Variants in GNAQ observed in about 807,000 individuals in gnomAD.
The protein encoded by GNAQ is G protein subunit alpha q.
GNAQ carries 8 observed loss-of-function variants against 43.9 expected under a neutral mutation model. That is an observed-to-expected ratio of 0.18 (90% CI 0.11 to 0.33). The LOEUF (loss-of-function observed/expected upper bound fraction) is 0.33, where lower values mean the gene tolerates loss of function less well. GNAQ is among the 10% of genes least tolerant of loss of function. The pLI is 1.00. For synonymous variants in GNAQ, 155 were observed against 170.7 expected (o/e 0.91, Z 0.71); for missense variants, 158 against 450.8 (o/e 0.35, Z 5.88).
intron 5 of GNAQ, among the ~76,000 whole-genome samples, chr9:77,738,921 A>C (rs1206120086): frequency 2.0e-5 from 3 of 151,948 alleles, no homozygotes; most frequent in Non-Finnish European, 4.4e-5. Context: ...GCTTAACTGT[A>C]CTTCTACTGT....
rs1824052882 is a variant in GNAQ, at chr9:78,031,091, GGTACTCACCGAGCA to G, written c.131_136+8del. 1 of 1,499,414 alleles carries G rather than the reference GGTACTCACCGAGCA, an allele frequency of 6.7e-7. No homozygotes were observed. The allele number at this position is 1,499,414 out of a possible 1,614,324, so 92.9% of individuals were successfully genotyped here. A position where few individuals can be genotyped will look rare whatever the true frequency, so the allele number is the denominator to read the frequency against. On this transcript the variant is annotated splice_donor_variant and splice_donor_5th_base_variant and coding_sequence_variant and intron_variant, in exon 1 of 7. Coordinates refer to ENST00000286548, the MANE Select transcript of GNAQ (RefSeq NM_002072.5). LOFTEE classifies it high-confidence loss of function. ...GCAGAGGCCCGGCGGGGCCCCGGAC[GGTACTCACCGAGCA>G]GCAGCAGCTTGAGCTCCCGGCGGGC...
At chr9:77,753,077 ACT>A (rs1408558741) in intron 5 of GNAQ, among the ~76,000 whole-genome samples, 1 of 127,336 alleles carries the variant, frequency 7.9e-6, no homozygotes, top group Non-Finnish European at 1.6e-5. Flanking sequence ...ACAGAGCAAG[ACT>A]CTGTCTCAAA....
chr9:78,027,210 C>T (rs1823993524), intron 1 of GNAQ, among the ~76,000 whole-genome samples: 1 of 152,086 alleles, frequency 6.6e-6, no homozygotes, highest in Non-Finnish European at 1.5e-5. Context: ...TCAGTTGGCT[C>T]AAAGAGTTAC....
intron 2 of GNAQ, among the ~76,000 whole-genome samples, chr9:77,876,677 T>C (rs1828129990): frequency 6.6e-6 from 1 of 152,204 alleles, no homozygotes; most frequent in African/African-American, 2.4e-5. Context: ...TCTCATTTGA[T>C]CCTTATCTCT....
intron 1 of GNAQ, among the ~76,000 whole-genome samples, chr9:78,000,458 T>A (rs984709284): frequency 6.6e-6 from 1 of 152,220 alleles, no homozygotes; most frequent in Non-Finnish European, 1.5e-5. Flanking sequence ...ATGGTTTTTA[T>A]GTCAATTCAA....
At chr9:77,793,565 A>G (rs1052005570) in intron 5 of GNAQ, among the ~76,000 whole-genome samples, 5 of 152,144 alleles carry the variant, frequency 3.3e-5, no homozygotes, top group African/African-American at 9.7e-5. Context: ...ATCCTATTTT[A>G]GTCAGCAAAC....
intron 2 of GNAQ, among the ~76,000 whole-genome samples, chr9:77,843,911 G>A (rs1827532170): frequency 1.3e-5 from 2 of 152,120 alleles, no homozygotes; most frequent in Admixed American, 1.3e-4. Context: ...TCAGAGGGTT[G>A]TGTCTGGGTT....
chr9:77,777,676 A>G (rs183483604), intron 5 of GNAQ, among the ~76,000 whole-genome samples: 69 of 152,204 alleles, frequency 4.5e-4, no homozygotes, highest in Admixed American at 1.4e-3. Flanking sequence ...CAGAGGATCT[A>G]AATAGACATT....
At chr9:77,772,534 G>A (rs1027589378) in intron 5 of GNAQ, among the ~76,000 whole-genome samples, 6 of 152,122 alleles carry the variant, frequency 3.9e-5, no homozygotes, top group Admixed American at 3.3e-4. Flanking sequence ...ATTTTGGAGT[G>A]GAATAGAAAC....
At chr9:77,750,294 ATCTT>A (rs1825793219) in intron 5 of GNAQ, among the ~76,000 whole-genome samples, 1 of 152,188 alleles carries the variant, frequency 6.6e-6, no homozygotes, top group African/African-American at 2.4e-5. Flanking sequence ...TTGATATTCA[ATCTT>A]TCTTAAATGT....
At chr9:77,875,384 CTG>C (rs1270852632) in intron 2 of GNAQ, among the ~76,000 whole-genome samples, 1 of 152,214 alleles carries the variant, frequency 6.6e-6, no homozygotes, top group Non-Finnish European at 1.5e-5. Flanking sequence ...CAACAGTCAG[CTG>C]TGCTAATTAT....
At position 77,721,150 on chromosome 9, in the gene GNAQ, T is replaced by G; in HGVS notation, c.*173A>C. 1 of 520,684 alleles carries G rather than the reference T, an allele frequency of 1.9e-6. No homozygotes were observed. The highest frequency in any genetic ancestry group is 3.4e-6 in the Non-Finnish European group (1 of 295,864). 32.3% of individuals were successfully genotyped at this position (520,684 alleles called of 1,614,324 possible). A position where few individuals can be genotyped will look rare whatever the true frequency, so the allele number is the denominator to read the frequency against. On this transcript the variant is annotated 3_prime_UTR_variant, in exon 7 of 7. Coordinates refer to ENST00000286548, the MANE Select transcript of GNAQ (RefSeq NM_002072.5). ...CAGCATCCTCTGTTTTTCCTCTGAA[T>G]AGTTTAAATAAAATCATAATATTTA... is the stretch of plus-strand genomic sequence containing the variant.
chr9:78,030,277 G>A (rs1040668010), intron 1 of GNAQ, among the ~76,000 whole-genome samples: 2 of 152,100 alleles, frequency 1.3e-5, no homozygotes, highest in Non-Finnish European at 2.9e-5. Flanking sequence ...AAAGATACCG[G>A]TCGCTGTCAA....
intron 2 of GNAQ, among the ~76,000 whole-genome samples, chr9:77,883,697 T>C (rs190454987): frequency 1.7e-3 from 259 of 151,944 alleles, no homozygotes; most frequent in Non-Finnish European, 2.6e-4. Context: ...GGCTTGGGTT[T>C]TAATATACCT....
At chr9:77,807,819 T>G (rs567473675) in intron 3 of GNAQ, among the ~76,000 whole-genome samples, 1 of 152,166 alleles carries the variant, frequency 6.6e-6, no homozygotes, top group Non-Finnish European at 1.5e-5. Context: ...GAAAATCAGA[T>G]AGTAAATATA....
chr9:77,732,762 C>T (rs1253905018), intron 5 of GNAQ, among the ~76,000 whole-genome samples: 1 of 152,152 alleles, frequency 6.6e-6, no homozygotes, highest in Non-Finnish European at 1.5e-5. Flanking sequence ...TTCCAACTGC[C>T]AGTTGTCCTC....
intron 2 of GNAQ, among the ~76,000 whole-genome samples, chr9:77,845,342 G>C (rs981953597): frequency 7.9e-5 from 12 of 152,078 alleles, no homozygotes; most frequent in Non-Finnish European, 1.6e-4. Context: ...AACTCTTGGT[G>C]GTGAATTGCT....
intron 1 of GNAQ, among the ~76,000 whole-genome samples, chr9:77,937,419 C>A (rs150644937): frequency 9.5e-4 from 144 of 151,990 alleles, no homozygotes; most frequent in African/African-American, 3.4e-3. Flanking sequence ...GCCTGGGAGA[C>A]AGAGAAAGAC....
chr9:77,922,920 C>A (rs1829018523), intron 1 of GNAQ, among the ~76,000 whole-genome samples: 1 of 152,142 alleles, frequency 6.6e-6, no homozygotes, highest in Admixed American at 6.5e-5. Context: ...GCCCTGAACT[C>A]CTGAGATAAA....
Sources: allele counts gnomAD v4.1 joint callset (sites outside exome capture counted in the v4.1 genomes callset), GRCh38; gene constraint gnomAD v4.1.1; transcripts MANE v1.5; gene names NCBI Gene and HGNC (gene_info 2026-07-23, HGNC 2026-07-21).